EQTN: variants seen among roughly 807,000 people sequenced by gnomAD.
EQTN encodes equatorin.
EQTN carries 29 observed loss-of-function variants against 26.9 expected under a neutral mutation model. That is an observed-to-expected ratio of 1.08 (90% confidence interval 0.80 to 1.47). EQTN has a LOEUF of 1.47. Ranked by LOEUF, EQTN falls within the 40% of genes most tolerant of loss-of-function variation. The pLI, the probability that EQTN is intolerant of heterozygous loss-of-function variation, is 0.00. For synonymous variants in EQTN, 129 were observed against 120.0 expected (o/e 1.07, Z -0.49); for missense variants, 391 against 346.1 (o/e 1.13, Z -1.03).
At chr9:27,287,755 C>T (rs1587110385) in intron 6 of EQTN, among the ~76,000 whole-genome samples, 1 of 152,166 alleles carries the variant, frequency 6.6e-6, no homozygotes, top group South Asian at 2.1e-4. Flanking sequence ...TTTGTCATTC[C>T]TGTTTATAAC....
intron 4 of EQTN, among the ~76,000 whole-genome samples, chr9:27,291,386 A>G (rs1336782713): frequency 6.6e-6 from 1 of 152,186 alleles, no homozygotes; most frequent in Non-Finnish European, 1.5e-5. Context: ...TTCAAAAGGG[A>G]GATGATGTTC....
Position 27,286,291 on chromosome 9 carries a change from C to A in EQTN, c.553G>T (p.Gly185Ter), listed in dbSNP as rs1397234422. The A allele has an allele frequency of 6.2e-7, 1 of 1,611,860 alleles. No homozygotes were observed. The highest frequency in any genetic ancestry group is 8.5e-7 in the Non-Finnish European group (1 of 1,179,064). ...AGGAGGAGGGTCATCAACGAGATTC[C>A]CAGCATTATTTTGATCTTCAGATCC... ...LEDLKIKIML[G>*]ISLMTLLLFV... The change falls in exon 7 of 8, where the codon GGA (glycine) becomes TGA (stop). Residue 185 changes from glycine (G) to a stop codon, truncating the protein, a stop_gained. Transcript: ENST00000380032. LOFTEE classifies it high-confidence loss of function.
intron 2 of EQTN, among the ~76,000 whole-genome samples, chr9:27,296,375 T>C (rs760002860): frequency 7.2e-5 from 11 of 152,130 alleles, no homozygotes; most frequent in Middle Eastern, 3.2e-3. Context: ...GCAGAAAACA[T>C]TTATTACTTT....
intron 1 of EQTN, 104 bp downstream of exon 1, chr9:27,296,876 A>G (rs1431091115): frequency 6.4e-7 from 1 of 1,555,456 alleles, no homozygotes; most frequent in Non-Finnish European, 8.6e-7. Context: ...TCCAACAATA[A>G]AGTTTATATC....
intron 4 of EQTN, among the ~76,000 whole-genome samples, chr9:27,291,703 A>G (rs1587113915): frequency 1.3e-5 from 2 of 152,358 alleles, no homozygotes; most frequent in Admixed American, 1.3e-4. Context: ...TTTTCATTTT[A>G]AAACACATCA....
chr9:27,296,063 G>A (rs1206191157), intron 2 of EQTN, among the ~76,000 whole-genome samples: 1 of 152,142 alleles, frequency 6.6e-6, no homozygotes, highest in African/African-American at 2.4e-5. Context: ...CACTTTGGGA[G>A]GGTGAGATGG....
Position 27,284,705 on chromosome 9 carries a change from C to G in EQTN, c.*18G>C. 1 of 1,601,926 alleles carries G rather than the reference C, an allele frequency of 6.2e-7. No individual in the cohort carries two copies. Among genetic ancestry groups the G allele is most frequent in the Non-Finnish European group, 8.5e-7 (1 of 1,174,390 alleles). The stretch of plus-strand genomic sequence containing the variant: ...TTTATTCATCAATAAGATTTCTTCA[C>G]CGGGTTCCTTGATTTCTTCACCGGG... On this transcript the variant is annotated 3_prime_UTR_variant, in exon 8 of 8. Coordinates refer to ENST00000380032, the MANE Select transcript of EQTN (RefSeq NM_020641.3).
chr9:27,292,421 G>C lies in EQTN; in HGVS notation c.356C>G (p.Pro119Arg). The change falls in exon 4 of 8, where the codon CCC becomes CGC. Residue 119 changes from proline (P) to arginine (R), a missense_variant. By Grantham distance (103) the Pro-to-Arg change is moderately radical. Coordinates refer to ENST00000380032, the MANE Select transcript of EQTN (RefSeq NM_020641.3). ...AATACTTTGAATATTTTTATGAGAG[G>C]GTTCGCTAGTAGTTGTTTCTTCTTC... is the stretch of plus-strand genomic sequence containing the variant. ...TIEEETTTSE[P>R]SHKNIQRSTP... 1.2e-6 allele frequency: 2 copies of C among 1,604,272 alleles called. No homozygotes were observed. The highest frequency in any genetic ancestry group is 1.1e-5 in the South Asian group (1 of 90,082).
intron 5 of EQTN, among the ~76,000 whole-genome samples, chr9:27,290,221 A>G (rs1820205050): frequency 6.6e-6 from 1 of 152,176 alleles, no homozygotes; most frequent in Non-Finnish European, 1.5e-5. Context: ...AAAGCACAAA[A>G]AATGCAAAAA....
chr9:27,286,547 G>T (rs3739541), intron 6 of EQTN, among the ~76,000 whole-genome samples, 185 bp from the exon 7 acceptor site: 68,559 of 151,976 alleles, frequency 0.45, 16,099 homozygotes, highest in African/African-American at 0.57. Context: ...CTATTAACTT[G>T]CCTCTTTAAC....
In EQTN at chr9:27,296,741, A is replaced by T. The variant is rs766503540; in HGVS notation, c.77-3T>A. ...TAAAGGTAGCACATTAGGCAATGCT[A>T]AAAAAAAGTATCACACACCATAGAT... On this transcript the variant is annotated splice_region_variant and splice_polypyrimidine_tract_variant and intron_variant, in intron 1 of 7. Transcript: ENST00000380032. The T allele has an allele frequency of 6.3e-7, 1 of 1,580,188 alleles. No homozygotes were observed. The highest frequency in any genetic ancestry group is 8.6e-7 in the Non-Finnish European group (1 of 1,162,976).
chr9:27,289,734 G>A lies in EQTN; in HGVS notation c.422-3C>T, dbSNP rs558735779. ...GACCACTGCTGTTCCATTTATAGCTGTTAAAACAAATTGGGGTTATGGTAA... is the reference window on the plus strand; with the variant it reads ...GACCACTGCTGTTCCATTTATAGCTATTAAAACAAATTGGGGTTATGGTAA... On this transcript the variant is annotated splice_region_variant and splice_polypyrimidine_tract_variant and intron_variant, in intron 5 of 7. Coordinates refer to ENST00000380032, the MANE Select transcript of EQTN (RefSeq NM_020641.3). 7 of 1,599,000 alleles carry A rather than the reference G, an allele frequency of 4.4e-6. No homozygotes were observed. The African/African-American group carries it at 8.0e-5, about 18-fold the overall frequency.
intron 7 of EQTN, among the ~76,000 whole-genome samples, chr9:27,285,300 T>G (rs1210410591): frequency 2.6e-5 from 4 of 151,958 alleles, no homozygotes; most frequent in Non-Finnish European, 4.4e-5. Flanking sequence ...TGCGCCACTA[T>G]GCCCAGCTAA....
At chr9:27,294,294 A>C (rs1324858654) in intron 3 of EQTN, 22 bp downstream of exon 3, 1 of 1,562,570 alleles carries the variant, frequency 6.4e-7, no homozygotes, top group Non-Finnish European at 8.8e-7. Flanking sequence ...TTACATGTGC[A>C]ATGGTGCCTT....
intron 7 of EQTN, 37 bp from the exon 8 acceptor site, chr9:27,285,009 T>C: frequency 1.3e-6 from 2 of 1,571,534 alleles, no homozygotes; most frequent in East Asian, 4.5e-5. Flanking sequence ...GAATTGTTTT[T>C]AATTGTGTAC....
chr9:27,287,939 G>A (rs1308355795), intron 6 of EQTN, among the ~76,000 whole-genome samples: 1 of 152,136 alleles, frequency 6.6e-6, no homozygotes, highest in Non-Finnish European at 1.5e-5. Context: ...GAGTAGCTGG[G>A]ATTACAGGTA....
chr9:27,294,442 C>A, intron 2 of EQTN, 40 bp from the exon 3 acceptor site: 2 of 1,290,608 alleles, frequency 1.5e-6, no homozygotes, highest in South Asian at 1.6e-5. Flanking sequence ...CTAGCTAAGT[C>A]ACTTTTTTTC....
intron 6 of EQTN, among the ~76,000 whole-genome samples, chr9:27,288,218 G>A (rs1820159379): frequency 6.6e-6 from 1 of 152,294 alleles, no homozygotes; most frequent in African/African-American, 2.4e-5. Context: ...TTGTAGGACA[G>A]AGGTTTTTTT....
intron 2 of EQTN, 196 bp from the exon 3 acceptor site, chr9:27,294,598 A>AC (rs2131310056): frequency 2.7e-6 from 1 of 366,468 alleles, no homozygotes; most frequent in African/African-American, 2.1e-5. Context: ...AAAAAGCCAA[A>AC]CTAGTATCTT....
Sources: allele counts gnomAD v4.1 joint callset (sites outside exome capture counted in the v4.1 genomes callset), GRCh38; gene constraint gnomAD v4.1.1; transcripts MANE v1.5; gene names NCBI Gene and HGNC (gene_info 2026-07-23, HGNC 2026-07-21).